RHOBTB2: variants seen among roughly 807,000 people sequenced by gnomAD.
RHOBTB2 encodes the protein rho-related BTB domain-containing protein 2.
In RHOBTB2, 39 loss-of-function variants were observed where a neutral mutation model predicts 66.5. The observed-to-expected ratio is 0.59, with a 90% confidence interval of 0.45 to 0.77. The LOEUF (loss-of-function observed/expected upper bound fraction) is 0.77. Ranked by LOEUF, RHOBTB2 falls within the 30% of genes least tolerant of loss-of-function variation. RHOBTB2 has a pLI of 0.00. For synonymous variants in RHOBTB2, 390 were observed against 395.0 expected (o/e 0.99, Z 0.15); for missense variants, 755 against 999.1 (o/e 0.76, Z 3.29).
chr8:22,969,606 TA>T, the RHOBTB2 span, among the ~76,000 whole-genome samples: 1 of 152,216 alleles, frequency 6.6e-6, no homozygotes, highest in African/African-American at 2.4e-5. Context: ...TCAAAAGCCT[TA>T]AAATGTTTAT....
chr8:23,006,322 C>T lies in RHOBTB2; in HGVS notation c.482+177C>T. 1 of 611,120 alleles carries T rather than the reference C, an allele frequency of 1.6e-6. No individual in the cohort carries two copies. Among genetic ancestry groups the T allele is most frequent in the Non-Finnish European group, 2.9e-6 (1 of 346,540 alleles). 37.9% of individuals were successfully genotyped at this position (611,120 alleles called of 1,614,324 possible). On this transcript the variant is annotated intron_variant, in intron 4 of 9. Coordinates refer to ENST00000251822, the MANE Select transcript of RHOBTB2 (RefSeq NM_015178.3). The surrounding 1 kb of genome is among the most constrained non-coding windows in gnomAD (Gnocchi z 6.1). Reference sequence around the variant, plus strand: ...ATTCATTCATATACCTGTTGCACACCTCTGGTGTGGGCAGTGCTATGTAAA... The same window carrying T: ...ATTCATTCATATACCTGTTGCACACTTCTGGTGTGGGCAGTGCTATGTAAA...
Position 22,999,957 on chromosome 8 carries a change from G to C in RHOBTB2, c.-159G>C. The C allele has an allele frequency of 1.0e-6, 1 of 985,472 alleles. No individual in the cohort carries two copies. Among genetic ancestry groups the C allele is most frequent in the Non-Finnish European group, 1.2e-6 (1 of 829,974 alleles). 61.0% of individuals were successfully genotyped at this position (985,472 alleles called of 1,614,324 possible). On this transcript the variant is annotated 5_prime_UTR_variant, in exon 1 of 10. Coordinates refer to ENST00000251822, the MANE Select transcript of RHOBTB2 (RefSeq NM_015178.3). ...TTCTGAGTGGCCGCGAGCTGGCCGG[G>C]AGGCTGGAGCCCAGCAGCAGCGCGG...
At chr8:22,961,252 A>G in the RHOBTB2 span, among the ~76,000 whole-genome samples, 2 of 152,114 alleles carry the variant, frequency 1.3e-5, no homozygotes, top group African/African-American at 4.8e-5. Context: ...ACAGGGATAT[A>G]CTTTTGTAAC....
At chr8:23,007,787 T>C (rs1811018675) in intron 5 of RHOBTB2, 41 bp downstream of exon 5, 2 of 1,599,086 alleles carry the variant, frequency 1.3e-6, no homozygotes, top group Non-Finnish European at 8.5e-7. Flanking sequence ...TCTGCATTGG[T>C]GCTATTAGCA....
chr8:22,967,719 G>A, the RHOBTB2 span, among the ~76,000 whole-genome samples: 1 of 139,218 alleles, frequency 7.2e-6, no homozygotes, highest in Admixed American at 7.3e-5. Flanking sequence ...GGGCTGTGGA[G>A]AGGGCAGAAT....
chr8:22,959,892 G>C, the RHOBTB2 span, among the ~76,000 whole-genome samples: 1 of 151,456 alleles, frequency 6.6e-6, no homozygotes, highest in Non-Finnish European at 1.5e-5. Flanking sequence ...GGCCGGGTGT[G>C]GTGGCTTATG....
upstream of RHOBTB2, among the ~76,000 whole-genome samples, chr8:22,985,340 T>A (rs1810268598): frequency 6.6e-6 from 1 of 152,210 alleles, no homozygotes; most frequent in African/African-American, 2.4e-5. Context: ...TCTATAGCAA[T>A]AGCGGTTTAA....
intron 7 of RHOBTB2, among the ~76,000 whole-genome samples, chr8:23,012,797 A>G (rs952865403): frequency 6.6e-6 from 1 of 151,746 alleles, no homozygotes; most frequent in Non-Finnish European, 1.5e-5. Context: ...TTTTAAATTT[A>G]TTTTTATTTA....
At chr8:22,975,349 T>C in the RHOBTB2 span, among the ~76,000 whole-genome samples, 11 of 152,158 alleles carry the variant, frequency 7.2e-5, no homozygotes, top group Non-Finnish European at 1.3e-4. Flanking sequence ...GACTGCAGGC[T>C]GTGGGACAGG....
At chr8:22,985,192 G>A (rs938582816), upstream of RHOBTB2, among the ~76,000 whole-genome samples, 1 of 152,162 alleles carries the variant, frequency 6.6e-6, no homozygotes. Flanking sequence ...TGGGAGCCAG[G>A]GGGCCAGTTG....
intron 7 of RHOBTB2, among the ~76,000 whole-genome samples, chr8:23,011,386 C>T (rs897889237): frequency 6.6e-6 from 1 of 152,098 alleles, no homozygotes; most frequent in Non-Finnish European, 1.5e-5. Flanking sequence ...TCTCCTCCTT[C>T]TTCCTTTCCT....
At chr8:23,013,503 T>C (rs978603692) in intron 7 of RHOBTB2, among the ~76,000 whole-genome samples, 2 of 152,018 alleles carry the variant, frequency 1.3e-5, no homozygotes, top group African/African-American at 4.8e-5. Flanking sequence ...TTTACTTTTA[T>C]TTTTTATTTT....
rs1810956008 is a variant in RHOBTB2 at position 23,006,604 on chromosome 8, A to G, written c.483-124A>G. ...AGCTTGATGGGATTTGGCCAGACAGAGCAGGGCAGGAGTGGGTGGGGATTG... is the reference window on the plus strand; with the variant it reads ...AGCTTGATGGGATTTGGCCAGACAGGGCAGGGCAGGAGTGGGTGGGGATTG... On this transcript the variant is annotated intron_variant, in intron 4 of 9. Transcript: ENST00000251822. The surrounding 1 kb of genome is among the most constrained non-coding windows in gnomAD (Gnocchi z 6.1). The G allele has an allele frequency of 2.2e-6, 2 of 925,036 alleles. No individual in the cohort carries two copies. Among genetic ancestry groups the G allele is most frequent in the Middle Eastern group, 3.4e-4 (1 of 2,954 alleles). The allele number at this position is 925,036 out of a possible 1,614,324, so 57.3% of individuals were successfully genotyped here. A position where few individuals can be genotyped will look rare whatever the true frequency, so the allele number is the denominator to read the frequency against.
rs926272969 is a variant in RHOBTB2 at position 23,014,873 on chromosome 8, C to T, written c.1860+95C>T. The T allele has an allele frequency of 1.3e-4, 125 of 970,508 alleles. 2 individuals carry two copies. In the African/African-American group the frequency reaches 1.5e-3, roughly 11 times the overall value. The allele number at this position is 970,508 out of a possible 1,614,324, so 60.1% of individuals were successfully genotyped here. ...GGGAAGGGGTGGAAGATGGTCTATG[C>T]GGGAGAACCTGTCATCGGACTGGGC... On this transcript the variant is annotated intron_variant, in intron 8 of 9. Coordinates refer to ENST00000251822, the MANE Select transcript of RHOBTB2 (RefSeq NM_015178.3).
At chr8:22,956,859 CGT>C in the RHOBTB2 span, among the ~76,000 whole-genome samples, 1 of 152,112 alleles carries the variant, frequency 6.6e-6, no homozygotes, top group African/African-American at 2.4e-5. Flanking sequence ...GGGGTATCTC[CGT>C]GTTGGTCAGG....
chr8:22,971,404 C>T, the RHOBTB2 span, among the ~76,000 whole-genome samples: 1 of 151,268 alleles, frequency 6.6e-6, no homozygotes, highest in African/African-American at 2.4e-5. Context: ...AGGCTGGTCT[C>T]GAACTCCTGG....
the RHOBTB2 span, among the ~76,000 whole-genome samples, chr8:22,972,488 C>T: frequency 1.9e-4 from 29 of 152,168 alleles, no homozygotes; most frequent in Non-Finnish European, 3.2e-4. Context: ...CTCCCGGGGA[C>T]GTTAGGTGCC....
chr8:22,972,069 C>A, the RHOBTB2 span, among the ~76,000 whole-genome samples: 1 of 152,154 alleles, frequency 6.6e-6, no homozygotes. Context: ...TTCAATGGAC[C>A]ACCTTCCACC....
chr8:23,007,827 T>A, intron 5 of RHOBTB2, 81 bp downstream of exon 5: 5 of 1,532,186 alleles, frequency 3.3e-6, no homozygotes, highest in Non-Finnish European at 4.5e-6. Flanking sequence ...CCTGGTGTCC[T>A]GGAGCTGCGG....
Sources: gnomAD v4.1 joint callset for allele counts (sites outside exome capture counted in the v4.1 genomes callset) on GRCh38, gnomAD v4.1.1 for gene constraint, Gnocchi (gnomAD v3.1) non-coding constraint, MANE v1.5 for transcripts, NCBI Gene and HGNC (gene_info 2026-07-23, HGNC 2026-07-21) for gene names.